GALNT13: variants seen among roughly 807,000 people sequenced by gnomAD.
The protein encoded by GALNT13 is UDP-GalNAc:polypeptide N-acetylgalactosaminyltransferase 13.
A neutral mutation model predicts 64.2 loss-of-function variants in GALNT13; 28 were observed. The observed-to-expected ratio is 0.44, with a 90% CI of 0.32 to 0.60. The LOEUF is 0.60. GALNT13 is among the 20% of genes least tolerant of loss of function. The pLI is 0.05. For synonymous variants in GALNT13, 214 were observed against 224.6 expected (o/e 0.95, Z 0.42); for missense variants, 577 against 669.8 (o/e 0.86, Z 1.53).
chr2:153,642,654 G>A, the GALNT13 span, among the ~76,000 whole-genome samples: 1 of 151,820 alleles, frequency 6.6e-6, no homozygotes, highest in Non-Finnish European at 1.5e-5. Flanking sequence ...ATTATGAAGA[G>A]AGATTTCATA....
chr2:153,979,543 A>C lies in GALNT13; in HGVS notation c.142+34904A>C, dbSNP rs187592632. Among the ~76,000 whole-genome samples the C allele has an allele frequency of 2.6e-5, 4 of 152,322 alleles. No homozygotes were observed. In the East Asian group the frequency reaches 7.7e-4, roughly 29 times the overall value. ...ACCATCCTCCTTTTCTGCAATACTC[A>C]TCAATTTCAATAGGTATTGATATGC... On this transcript the variant is annotated intron_variant, in intron 3 of 12. Transcript: ENST00000392825.
At chr2:154,316,311 A>G (rs757051157) in intron 9 of GALNT13, among the ~76,000 whole-genome samples, 1 of 152,188 alleles carries the variant, frequency 6.6e-6, no homozygotes, top group Non-Finnish European at 1.5e-5. Context: ...GTTAACAAAA[A>G]CAGAGCAATA....
the GALNT13 span, among the ~76,000 whole-genome samples, chr2:153,118,351 G>GT: frequency 6.6e-6 from 1 of 152,074 alleles, no homozygotes; most frequent in Non-Finnish European, 1.5e-5. Flanking sequence ...TTCCTTCCCA[G>GT]GGCAACCATC....
chr2:153,258,028 A>G, the GALNT13 span, among the ~76,000 whole-genome samples: 1 of 152,180 alleles, frequency 6.6e-6, no homozygotes, highest in African/African-American at 2.4e-5. Context: ...TGGGACCTGA[A>G]GAAGAGAGGA....
At chr2:153,784,702 G>T in the GALNT13 span, among the ~76,000 whole-genome samples, 2 of 152,144 alleles carry the variant, frequency 1.3e-5, no homozygotes, top group African/African-American at 4.8e-5. Flanking sequence ...TACCCCTAGG[G>T]TTGAATCCAG....
chr2:153,626,429 G>T, the GALNT13 span, among the ~76,000 whole-genome samples: 1 of 152,140 alleles, frequency 6.6e-6, no homozygotes, highest in African/African-American at 2.4e-5. Flanking sequence ...GCTATGTTAT[G>T]TTTTATAATG....
chr2:153,302,093 T>TTACG, the GALNT13 span, among the ~76,000 whole-genome samples: 2 of 152,122 alleles, frequency 1.3e-5, no homozygotes, highest in Non-Finnish European at 2.9e-5. Context: ...CGTATGGTAG[T>TTACG]TACGTTATAC....
chr2:153,959,339 G>A (rs1336029177), intron 3 of GALNT13, among the ~76,000 whole-genome samples: 2 of 152,144 alleles, frequency 1.3e-5, no homozygotes, highest in South Asian at 2.1e-4. Flanking sequence ...TGTGACTCTG[G>A]CATCCCAGAG....
At chr2:153,827,905 T>C in the GALNT13 span, among the ~76,000 whole-genome samples, 1 of 152,236 alleles carries the variant, frequency 6.6e-6, no homozygotes, top group African/African-American at 2.4e-5. Flanking sequence ...ATTGGGTAAA[T>C]ACACCTGTTC....
At chr2:153,564,202 A>T in the GALNT13 span, among the ~76,000 whole-genome samples, 48 of 146,338 alleles carry the variant, frequency 3.3e-4, no homozygotes, top group South Asian at 4.0e-3. Context: ...TTATATATAT[A>T]TTTTTTTTAC....
chr2:153,671,700 A>G, the GALNT13 span, among the ~76,000 whole-genome samples: 1 of 152,210 alleles, frequency 6.6e-6, no homozygotes, highest in East Asian at 1.9e-4. Context: ...CACACATAAC[A>G]ATATTAACCT....
At chr2:153,074,277 A>G in the GALNT13 span, among the ~76,000 whole-genome samples, 6 of 152,208 alleles carry the variant, frequency 3.9e-5, no homozygotes, top group Non-Finnish European at 7.3e-5. Flanking sequence ...TCTGAGATAA[A>G]TACTTAGTTC....
chr2:153,403,166 G>A, the GALNT13 span, among the ~76,000 whole-genome samples: 114 of 151,078 alleles, frequency 7.5e-4, no homozygotes, highest in African/African-American at 2.6e-3. Flanking sequence ...CTCAGCTGCA[G>A]GTCTGTTGGA....
chr2:154,121,390 G>A (rs1355242880), intron 3 of GALNT13, among the ~76,000 whole-genome samples: 2 of 152,124 alleles, frequency 1.3e-5, no homozygotes, highest in Non-Finnish European at 2.9e-5. Flanking sequence ...GATTGGAATT[G>A]TGTTGAATTT....
chr2:153,155,804 T>G, the GALNT13 span, among the ~76,000 whole-genome samples: 2 of 152,112 alleles, frequency 1.3e-5, no homozygotes, highest in Non-Finnish European at 2.9e-5. Flanking sequence ...CTTCTAGTGG[T>G]GAAACATCAT....
At chr2:154,311,797 A>T (rs1423040496) in intron 9 of GALNT13, among the ~76,000 whole-genome samples, 1 of 152,180 alleles carries the variant, frequency 6.6e-6, no homozygotes, top group African/African-American at 2.4e-5. Flanking sequence ...CTAGGTGCGC[A>T]TTCTCTTTCT....
chr2:153,960,513 C>A (rs989521513), intron 3 of GALNT13, among the ~76,000 whole-genome samples: 1 of 152,180 alleles, frequency 6.6e-6, no homozygotes, highest in South Asian at 2.1e-4. Context: ...GCAGCCAGGG[C>A]AGTTTTGCAG....
At chr2:154,014,702 A>G (rs1414320018) in intron 3 of GALNT13, among the ~76,000 whole-genome samples, 2 of 128,110 alleles carry the variant, frequency 1.6e-5, no homozygotes, top group South Asian at 2.5e-4. Context: ...GCGCAATCTC[A>G]GCTCACTGCA....
intron 8 of GALNT13, among the ~76,000 whole-genome samples, chr2:154,266,777 A>G (rs1242581779): frequency 1.3e-5 from 2 of 151,724 alleles, no homozygotes; most frequent in Non-Finnish European, 2.9e-5. Context: ...AGTGTATTGT[A>G]TTTACTTAAC....
Sources: allele counts gnomAD v4.1 joint callset (sites outside exome capture counted in the v4.1 genomes callset), GRCh38; gene constraint gnomAD v4.1.1; transcripts MANE v1.5; gene names NCBI Gene and HGNC (gene_info 2026-07-23, HGNC 2026-07-21).